Variants in CSMD3 observed in about 807,000 individuals in gnomAD.
The protein encoded by CSMD3 is CUB and Sushi multiple domains 3.
In CSMD3, 177 loss-of-function variants were observed where a neutral mutation model predicts 435.2. The observed-to-expected ratio is 0.41, with a 90% confidence interval of 0.36 to 0.46. CSMD3 has a LOEUF of 0.46. CSMD3 is among the 20% of genes least tolerant of loss of function. The pLI is 0.34. For missense variants in CSMD3, 4,265 were observed against 4,504.6 expected, an observed-to-expected ratio of 0.95 and a Z score of 1.52; for synonymous variants, 1,656 against 1,520.5, an observed-to-expected ratio of 1.09 and a Z score of -2.07.
rs138143166 is a variant in CSMD3 at position 112,638,754 on chromosome 8, T to C, written c.3468A>G (p.Gln1156=). The C allele has an allele frequency of 4.3e-6, 7 of 1,611,608 alleles. No homozygotes were observed. The African/African-American group carries it at 6.7e-5, about 15-fold the overall frequency. Residue 1156 remains glutamine (Q), a synonymous_variant, in exon 21 of 71, where the codon CAA becomes CAG. Coordinates refer to ENST00000297405, the MANE Select transcript of CSMD3 (RefSeq NM_198123.2). ...TTGAAAAATCTGAAATGAAACGCAA[T>C]TGAGCCCTGAAATTTCCATAGAGAC... is the stretch of plus-strand genomic sequence containing the variant. ...NAGLYGNFRA[Q]LRFISDFSIS...
At chr8:113,414,351 A>G (rs548497005) in intron 1 of CSMD3, among the ~76,000 whole-genome samples, 1 of 152,318 alleles carries the variant, frequency 6.6e-6, no homozygotes, top group Non-Finnish European at 1.5e-5. Context: ...ATAAGATACT[A>G]TTGTTATATC....
chr8:113,379,357 T>C (rs1193623455), intron 1 of CSMD3, among the ~76,000 whole-genome samples: 2 of 152,106 alleles, frequency 1.3e-5, no homozygotes, highest in African/African-American at 4.8e-5. Flanking sequence ...TAAAACTAAA[T>C]ACAACAGTTC....
At chr8:112,321,846 C>T (rs1180101214) in intron 45 of CSMD3, among the ~76,000 whole-genome samples, 3 of 151,982 alleles carry the variant, frequency 2.0e-5, no homozygotes, top group African/African-American at 7.2e-5. Context: ...GGGAAAGAAC[C>T]CCATGGCAGA....
chr8:113,157,894 T>C (rs1174468318), intron 4 of CSMD3, among the ~76,000 whole-genome samples: 1 of 152,124 alleles, frequency 6.6e-6, no homozygotes, highest in Non-Finnish European at 1.5e-5. Flanking sequence ...AAATAAAGCA[T>C]TGTTCTGAAT....
chr8:112,783,723 G>A (rs567601964), intron 13 of CSMD3, among the ~76,000 whole-genome samples: 61 of 151,742 alleles, frequency 4.0e-4, no homozygotes, highest in African/African-American at 1.3e-3. Context: ...AGATACACAT[G>A]GACTGAAAAT....
At chr8:112,947,262 C>G (rs1587734153) in intron 9 of CSMD3, among the ~76,000 whole-genome samples, 1 of 151,590 alleles carries the variant, frequency 6.6e-6, no homozygotes, top group South Asian at 2.1e-4. Context: ...GGTTGTTTAA[C>G]TTAATTTTAA....
chr8:113,286,963 G>C (rs2093651209), intron 2 of CSMD3, among the ~76,000 whole-genome samples: 1 of 150,876 alleles, frequency 6.6e-6, no homozygotes, highest in South Asian at 2.1e-4. Flanking sequence ...AATAGGAAGA[G>C]GAGAGAGAGA....
chr8:112,780,203 A>G (rs2078348458), intron 13 of CSMD3, among the ~76,000 whole-genome samples: 1 of 152,082 alleles, frequency 6.6e-6, no homozygotes, highest in Admixed American at 6.6e-5. Flanking sequence ...GTAGAAACGC[A>G]AAGTGTGAAG....
chr8:113,067,005 C>T (rs185279645), intron 5 of CSMD3, among the ~76,000 whole-genome samples: 1 of 152,176 alleles, frequency 6.6e-6, no homozygotes, highest in Non-Finnish European at 1.5e-5. Context: ...CCTGAAGAAT[C>T]ATTTTTAGAG....
rs1047699189 is a variant in CSMD3 at position 112,888,711 on chromosome 8, T to A, written c.1634-29445A>T. On this transcript the variant is annotated intron_variant, in intron 10 of 70. Transcript: ENST00000297405. ...GCTTTGTAGGTTAAGAATTGACTCA[T>A]AAAATATGAGCACTTGTGTAATTTC... Among the ~76,000 whole-genome samples the A allele has an allele frequency of 1.3e-5, 2 of 151,686 alleles. 1 individual carries two copies. The highest frequency in any genetic ancestry group is 3.0e-5 in the Non-Finnish European group (2 of 67,778).
chr8:113,106,168 A>C (rs191218765), intron 4 of CSMD3, among the ~76,000 whole-genome samples: 1 of 152,090 alleles, frequency 6.6e-6, no homozygotes, highest in Non-Finnish European at 1.5e-5. Context: ...AGATGAATAC[A>C]TGTTAGAGAA....
At chr8:112,253,720 C>T (rs536928882) in intron 63 of CSMD3, among the ~76,000 whole-genome samples, 6 of 152,084 alleles carry the variant, frequency 3.9e-5, no homozygotes, top group Non-Finnish European at 8.8e-5. Context: ...CCAAAGAATT[C>T]TAATGTAACA....
At chr8:112,515,282 A>G (rs1318554324) in intron 28 of CSMD3, among the ~76,000 whole-genome samples, 1 of 152,138 alleles carries the variant, frequency 6.6e-6, no homozygotes, top group Non-Finnish European at 1.5e-5. Flanking sequence ...TCTAAGAATC[A>G]CAATAAAGCA....
chr8:112,619,240 G>A (rs1168217833), intron 22 of CSMD3, among the ~76,000 whole-genome samples: 1 of 151,840 alleles, frequency 6.6e-6, no homozygotes, highest in Non-Finnish European at 1.5e-5. Context: ...GCTAATCACT[G>A]CTGTTAGGTA....
chr8:112,361,947 T>C (rs1827282916), intron 38 of CSMD3, among the ~76,000 whole-genome samples: 1 of 151,836 alleles, frequency 6.6e-6, no homozygotes, highest in African/African-American at 2.4e-5. Context: ...AAATTGTGGA[T>C]ACAAGACAAC....
At chr8:112,627,298 A>G (rs899604934) in intron 22 of CSMD3, among the ~76,000 whole-genome samples, 2 of 152,176 alleles carry the variant, frequency 1.3e-5, no homozygotes, top group East Asian at 3.9e-4. Flanking sequence ...CCAAAGAAAA[A>G]GTATGCTCTA....
At chr8:112,748,467 T>C (rs557044949) in intron 13 of CSMD3, among the ~76,000 whole-genome samples, 145 of 152,228 alleles carry the variant, frequency 9.5e-4, no homozygotes, top group African/African-American at 3.3e-3. Context: ...ACCCAATAGT[T>C]ATCTTTTCTG....
intron 14 of CSMD3, among the ~76,000 whole-genome samples, chr8:112,686,055 A>G (rs559185937): frequency 7.2e-5 from 11 of 152,322 alleles, no homozygotes; most frequent in Non-Finnish European, 1.5e-4. Flanking sequence ...AATATACAGA[A>G]GTTCCCATAG....
intron 6 of CSMD3, among the ~76,000 whole-genome samples, chr8:113,012,073 A>G (rs920988534): frequency 6.6e-6 from 1 of 151,904 alleles, no homozygotes; most frequent in African/African-American, 2.4e-5. Flanking sequence ...ATACAAAGAA[A>G]AAAGTGCAAG....
Sources: gnomAD v4.1 joint callset for allele counts (sites outside exome capture counted in the v4.1 genomes callset) on GRCh38, gnomAD v4.1.1 for gene constraint, MANE v1.5 for transcripts, NCBI Gene and HGNC (gene_info 2026-07-23, HGNC 2026-07-21) for gene names.